The following BUD13 variants were observed in gnomAD, a reference collection of about 807,000 sequenced individuals.
The protein encoded by BUD13 is BUD13 spliceosome associated protein, also known as BUD13 homolog.
A neutral mutation model predicts 62.5 loss-of-function variants in BUD13; 47 were observed. That is an observed-to-expected ratio of 0.75 (90% CI 0.60 to 0.96). BUD13 has a LOEUF of 0.96. Ranked by LOEUF, BUD13 falls within the 40% of genes least tolerant of loss-of-function variation. The pLI is 0.00. For missense variants in BUD13, 821 were observed against 790.9 expected (o/e 1.04, Z -0.46); for synonymous variants, 293 against 280.1 (o/e 1.05, Z -0.46).
intron 4 of BUD13, among the ~76,000 whole-genome samples, 175 bp downstream of exon 4, chr11:116,762,378 A>G (rs558103470): frequency 4.3e-4 from 66 of 152,352 alleles, no homozygotes; most frequent in African/African-American, 1.6e-3. Flanking sequence ...ATAAAAAGAC[A>G]TATGAAAACC....
intron 1 of BUD13, among the ~76,000 whole-genome samples, chr11:116,772,538 T>A (rs975005143): frequency 6.6e-6 from 1 of 152,128 alleles, no homozygotes; most frequent in African/African-American, 2.4e-5. Flanking sequence ...ATTCATTCTC[T>A]ATGGGAGAGG....
Position 116,757,943 on chromosome 11 carries a change from G to C in BUD13, c.1507C>G (p.Gln503Glu). ...LYAQWGKGLA[Q>E]SRQQQQNVED... ...ACATTTTGTTGCTGTTGCCGGCTCT[G>C]GGCAAGCCTGGGCAAAAAGGAACCA... The change falls in exon 8 of 10, where the codon CAG becomes GAG. Residue 503 changes from glutamine to glutamate, a missense_variant. Physicochemically the swap from Gln to Glu is conservative, Grantham distance 29 (BLOSUM62 2). Around this residue, in one of 2 missense-constraint regions of BUD13, gnomAD observed 800 missense variants for 739.2 expected, o/e 1.08. Transcript: ENST00000260210. 1 of 1,613,464 alleles carries C rather than the reference G, an allele frequency of 6.2e-7. No homozygotes were observed. The highest frequency in any genetic ancestry group is 1.1e-5 in the South Asian group (1 of 91,044).
At chr11:116,752,005 A>G (rs1397940436) in intron 9 of BUD13, among the ~76,000 whole-genome samples, 1 of 152,064 alleles carries the variant, frequency 6.6e-6, no homozygotes, top group Non-Finnish European at 1.5e-5. Flanking sequence ...GTGCAGTGGC[A>G]CGATCTCGGC....
At position 116,760,857 on chromosome 11, in the gene BUD13, G is replaced by A. The variant is rs750032557; in HGVS notation, c.1132C>T (p.Arg378Trp). The A allele has an allele frequency of 1.2e-4, 196 of 1,613,926 alleles. No individual in the cohort carries two copies. The highest frequency in any genetic ancestry group is 3.5e-4 in the Admixed American group (21 of 59,994). Residue 378 changes from arginine (R) to tryptophan (W), a missense_variant, in exon 5 of 10, where the codon CGG becomes TGG. Physicochemically the swap from Arg to Trp is moderately radical, Grantham distance 101 (BLOSUM62 -3). Transcript: ENST00000260210. ...GAGCTCCGGTGTCTAGGTCTATTCC[G>A]TGGAGGTGACAGATCTGAATCAGAA... The part of the protein sequence containing the change: ...QDSDSDLSPP[R>W]NRPRHRSSDS...
chr11:116,768,728 G>C (rs1330699774), intron 2 of BUD13, among the ~76,000 whole-genome samples: 1 of 151,834 alleles, frequency 6.6e-6, no homozygotes, highest in African/African-American at 2.4e-5. Flanking sequence ...AATTGGCCAG[G>C]TGCAGTGGCT....
At position 116,772,848 on chromosome 11, in the gene BUD13, C is replaced by G. The variant is rs751108608; in HGVS notation, c.117G>C (p.Pro39=). ...ESGRKRRKKR[P]KPGGAGGKGM... ...CCTTGCCGCCGGCCCCGCCAGGCTT[C>G]GGCCGCTTTTTGCGACGCTTGCGAC... The change falls in exon 1 of 10, where the codon CCG becomes CCC. Residue 39 remains proline, a synonymous_variant. Coordinates refer to ENST00000260210, the MANE Select transcript of BUD13 (RefSeq NM_032725.4). The G allele has an allele frequency of 5.0e-6, 8 of 1,586,328 alleles. No individual in the cohort carries two copies. Among genetic ancestry groups the G allele is most frequent in the Non-Finnish European group, 6.8e-6 (8 of 1,168,704 alleles).
At chr11:116,760,602 G>C in intron 5 of BUD13, 133 bp downstream of exon 5, 1 of 998,378 alleles carries the variant, frequency 1.0e-6, no homozygotes, top group South Asian at 1.6e-5. Flanking sequence ...GACCTCCAAA[G>C]GTCCTTTTAA....
At chr11:116,762,155 T>C (rs186730505) in intron 4 of BUD13, among the ~76,000 whole-genome samples, 2 of 152,268 alleles carry the variant, frequency 1.3e-5, no homozygotes, top group African/African-American at 2.4e-5. Context: ...GCAGGCAAGA[T>C]TGCACATGCA....
chr11:116,758,950 T>C (rs1940382159), intron 6 of BUD13, 124 bp downstream of exon 6: 1 of 699,954 alleles, frequency 1.4e-6, no homozygotes, highest in East Asian at 2.6e-5. Context: ...ATTACAACAA[T>C]GCATAAAACC....
At chr11:116,758,239 T>C (rs763818797) in intron 7 of BUD13, 30 bp downstream of exon 7, 9 of 1,611,528 alleles carry the variant, frequency 5.6e-6, no homozygotes, top group African/African-American at 1.3e-5. Flanking sequence ...GTCACTGCCA[T>C]CTTGTTTACC....
At chr11:116,753,535 A>G (rs540002320) in intron 9 of BUD13, among the ~76,000 whole-genome samples, 2 of 152,346 alleles carry the variant, frequency 1.3e-5, no homozygotes, top group East Asian at 3.9e-4. Flanking sequence ...AACAGAACTC[A>G]AAGTCTCTAC....
chr11:116,758,238 A>G, intron 7 of BUD13, 31 bp downstream of exon 7: 1 of 1,611,702 alleles, frequency 6.2e-7, no homozygotes, highest in Non-Finnish European at 8.5e-7. Context: ...AGTCACTGCC[A>G]TCTTGTTTAC....
chr11:116,764,455 T>C (rs1940493462), intron 3 of BUD13, among the ~76,000 whole-genome samples: 1 of 151,772 alleles, frequency 6.6e-6, no homozygotes, highest in South Asian at 2.1e-4. Flanking sequence ...AATAACAAAT[T>C]GGGATGGGGG....
chr11:116,768,205 C>T (rs545382769), intron 2 of BUD13, among the ~76,000 whole-genome samples: 7 of 151,964 alleles, frequency 4.6e-5, no homozygotes, highest in East Asian at 1.9e-4. Flanking sequence ...TTATGTACAA[C>T]GATGTATGAT....
Position 116,758,249 on chromosome 11 carries a change from C to T in BUD13, c.1499+20G>A. On this transcript the variant is annotated intron_variant, in intron 7 of 9. Transcript: ENST00000260210. ...TTCCAGTCACTGCCATCTTGTTTAC[C>T]CTTTCAGTGGTTCCCTTACCCTTTT... The T allele has an allele frequency of 1.2e-6, 2 of 1,613,266 alleles. No homozygotes were observed. Among genetic ancestry groups the T allele is most frequent in the African/African-American group, 1.3e-5 (1 of 74,980 alleles).
At chr11:116,772,753 C>A (rs751380374) in intron 1 of BUD13, 69 bp downstream of exon 1, 136 of 1,427,080 alleles carry the variant, frequency 9.5e-5, no homozygotes, top group Middle Eastern at 7.5e-4. Context: ...AACTGCCGGG[C>A]GGCCGAGGGC....
chr11:116,759,612 T>C (rs889412376), intron 5 of BUD13, among the ~76,000 whole-genome samples: 9 of 152,100 alleles, frequency 5.9e-5, no homozygotes, highest in African/African-American at 1.9e-4. Flanking sequence ...TAACAGAAGA[T>C]CTAACAAATG....
Position 116,760,253 on chromosome 11 carries a change from T to C in BUD13, c.1254+482A>G, listed in dbSNP as rs1393898242. 2.0e-5 allele frequency among the ~76,000 whole-genome samples: 3 copies of C among 152,350 alleles called. No homozygotes were observed. In the East Asian group the frequency reaches 5.8e-4, roughly 29 times the overall value. ...AGTTTTACTTACACTGGCTTAATTATCATAACAACCTTACACAGTAGGTAC... is the reference window on the plus strand; with the variant it reads ...AGTTTTACTTACACTGGCTTAATTACCATAACAACCTTACACAGTAGGTAC... On this transcript the variant is annotated intron_variant, in intron 5 of 9. Transcript: ENST00000260210.
intron 8 of BUD13, 68 bp from the exon 9 acceptor site, chr11:116,757,295 G>T: frequency 6.9e-7 from 1 of 1,443,130 alleles, no homozygotes; most frequent in Non-Finnish European, 9.6e-7. Flanking sequence ...GGATGGCAAT[G>T]TGGAATTTTC....
Sources: gnomAD v4.1 joint callset for allele counts (sites outside exome capture counted in the v4.1 genomes callset) on GRCh38, gnomAD v4.1.1 for gene constraint, gnomAD v4.1.1 regional missense constraint, MANE v1.5 for transcripts, NCBI Gene and HGNC (gene_info 2026-07-23, HGNC 2026-07-21) for gene names.